Variants in CAMK1G observed in about 807,000 individuals in gnomAD.
CAMK1G encodes calcium/calmodulin dependent protein kinase IG.
A neutral mutation model predicts 54.8 loss-of-function variants in CAMK1G; 27 were observed. The ratio of observed to expected loss-of-function variants is 0.49; its 90% CI spans 0.36 to 0.68. The LOEUF is 0.68. Among genes scored for constraint, CAMK1G ranks in the 30% least tolerant of loss-of-function variants. The probability of loss-of-function intolerance (pLI) is 0.00; values close to 1 mark genes in which losing one functional copy is unlikely to be tolerated. For missense variants in CAMK1G, 512 were observed against 591.0 expected (o/e 0.87, Z 1.39); for synonymous variants, 238 against 224.9 (o/e 1.06, Z -0.52).
At chr1:209,599,943 G>A (rs772435590) in intron 2 of CAMK1G, 40 bp from the exon 3 acceptor site, 1 of 1,608,188 alleles carries the variant, frequency 6.2e-7, no homozygotes, top group Non-Finnish European at 8.5e-7. Flanking sequence ...TAAGATGTCT[G>A]CCCCCTACTA....
chr1:209,595,379 G>A (rs561953143), intron 2 of CAMK1G, among the ~76,000 whole-genome samples: 6 of 152,230 alleles, frequency 3.9e-5, no homozygotes, highest in African/African-American at 9.6e-5. Context: ...CCGAGATTGC[G>A]CTACTGTATT....
At chr1:209,607,975 G>A (rs375545188) in intron 7 of CAMK1G, 42 bp downstream of exon 7, 145 of 1,505,560 alleles carry the variant, frequency 9.6e-5, no homozygotes, top group Non-Finnish European at 1.1e-4. Context: ...GAGAAGTCTC[G>A]GAGCCTGCTT....
chr1:209,609,129 C>T, intron 8 of CAMK1G, 37 bp downstream of exon 8: 1 of 1,613,366 alleles, frequency 6.2e-7, no homozygotes. Flanking sequence ...ATAACAGGCT[C>T]AAGGTAGAGG....
intron 1 of CAMK1G, among the ~76,000 whole-genome samples, chr1:209,589,971 G>A (rs373751215): frequency 2.6e-5 from 4 of 152,106 alleles, no homozygotes; most frequent in Admixed American, 6.5e-5. Flanking sequence ...GGTGCCAGGC[G>A]CCTGAACCAG....
At chr1:209,592,147 G>C (rs1340928052) in intron 1 of CAMK1G, among the ~76,000 whole-genome samples, 1 of 151,924 alleles carries the variant, frequency 6.6e-6, no homozygotes. Context: ...AGGAGTTCGA[G>C]ACCAGCCTGG....
At chr1:209,586,201 C>A (rs1415371940) in intron 1 of CAMK1G, among the ~76,000 whole-genome samples, 1 of 152,170 alleles carries the variant, frequency 6.6e-6, no homozygotes, top group African/African-American at 2.4e-5. Flanking sequence ...AGCGTCCAAC[C>A]TGTACAAAAG....
At chr1:209,598,091 A>G (rs1051480328) in intron 2 of CAMK1G, among the ~76,000 whole-genome samples, 3 of 152,220 alleles carry the variant, frequency 2.0e-5, no homozygotes, top group Admixed American at 6.5e-5. Flanking sequence ...TCTAACGTGA[A>G]CAATCAGGCT....
chr1:209,607,432 C>T (rs893228899), intron 6 of CAMK1G, among the ~76,000 whole-genome samples: 11 of 152,146 alleles, frequency 7.2e-5, no homozygotes, highest in African/African-American at 2.7e-4. Context: ...TCTCTGCCTC[C>T]CAGAGGCTCC....
Position 209,600,066 on chromosome 1 carries a change from C to T in CAMK1G, c.176C>T (p.Ala59Val), listed in dbSNP as rs1428767509. 9 of 1,613,998 alleles carry T rather than the reference C, an allele frequency of 5.6e-6. No individual in the cohort carries two copies. The highest frequency in any genetic ancestry group is 6.8e-6 in the Non-Finnish European group (8 of 1,179,896). Residue 59 changes from alanine (A) to valine (V), a missense_variant, in exon 3 of 13, where the codon GCC (alanine) becomes GTC (valine). Physicochemically the swap from Ala to Val is moderately conservative, Grantham distance 64. Coordinates refer to ENST00000361322, the MANE Select transcript of CAMK1G (RefSeq NM_020439.3). ...FALKCIKKSP[A>V]FRDSSLENEI... ...CTGAAGTGCATCAAGAAGTCACCTG[C>T]CTTCCGGGACAGCAGCCTGGAGAAT...
At position 209,594,999 on chromosome 1, in the gene CAMK1G, G is replaced by A. The variant is rs1665343672; in HGVS notation, c.16G>A (p.Glu6Lys). Residue 6 changes from glutamate to lysine, a missense_variant, in exon 2 of 13, where the codon GAA becomes AAA. Glu to Lys is a moderately conservative substitution (Grantham distance 56, BLOSUM62 1). Coordinates refer to ENST00000361322, the MANE Select transcript of CAMK1G (RefSeq NM_020439.3). ...TCTGGAGGCAATGGGTCGAAAGGAA[G>A]AAGATGACTGCAGTTCCTGGAAGAA... Reference protein sequence around the residue: MGRKEEDDCSSWKKQT... With the variant: MGRKEKDDCSSWKKQT... 6.2e-7 allele frequency: 1 copy of A among 1,614,054 alleles called. No homozygotes were observed. The highest frequency in any genetic ancestry group is 8.5e-7 in the Non-Finnish European group (1 of 1,179,966).
chr1:209,611,922 G>A lies in CAMK1G; in HGVS notation c.1046G>A (p.Ser349Asn). The A allele has an allele frequency of 6.2e-7, 1 of 1,614,256 alleles. No individual in the cohort carries two copies. The highest frequency in any genetic ancestry group is 1.3e-5 in the African/African-American group (1 of 75,072). The change falls in exon 11 of 13, where the codon AGC becomes AAC. Residue 349 changes from serine to asparagine, a missense_variant. Ser to Asn is a conservative substitution (Grantham distance 46). Around this residue, in one of 3 missense-constraint regions of CAMK1G, gnomAD observed 315 missense variants for 330.5 expected, o/e 0.95. Transcript: ENST00000361322. Reference protein sequence around the residue: ...ETQASETSRPSSPEITITEAP... With the variant: ...ETQASETSRPNSPEITITEAP... The stretch of plus-strand genomic sequence containing the variant: ...CAAGCCTCAGAAACCTCTAGACCCA[G>A]CTCCCCTGAGATCACCATCACCGAG...
At chr1:209,612,313 A>C in intron 11 of CAMK1G, 97 bp downstream of exon 11, 1 of 1,295,532 alleles carries the variant, frequency 7.7e-7, no homozygotes, top group Non-Finnish European at 1.1e-6. Context: ...TCTCCCACTC[A>C]TAGGCAGCTA....
Position 209,612,115 on chromosome 1 carries a change from C to T in CAMK1G, c.1239C>T (p.Ala413=), listed in dbSNP as rs761325917. 1.2e-5 allele frequency: 20 copies of T among 1,613,986 alleles called. No individual in the cohort carries two copies. The highest frequency in any genetic ancestry group is 8.9e-5 in the East Asian group (4 of 44,896). Residue 413 remains alanine (A), a synonymous_variant, in exon 11 of 13, where the codon GCC becomes GCT. Coordinates refer to ENST00000361322, the MANE Select transcript of CAMK1G (RefSeq NM_020439.3). ...CCATGCATCAGGGGTCCCTGGCCGC[C>T]GGGCCCTGTGGCTGCTGCTCCAGCT... ...LVPMHQGSLA[A]GPCGCCSSCL... is the part of the protein sequence containing the mutation.
At chr1:209,599,439 TA>T (rs1418074739) in intron 2 of CAMK1G, among the ~76,000 whole-genome samples, 1 of 152,278 alleles carries the variant, frequency 6.6e-6, no homozygotes, top group African/African-American at 2.4e-5. Context: ...TTCTCATTGC[TA>T]TGTTCTCTGT....
intron 3 of CAMK1G, 127 bp downstream of exon 3, chr1:209,600,238 G>T: frequency 8.7e-7 from 1 of 1,154,862 alleles, no homozygotes; most frequent in East Asian, 2.5e-5. Flanking sequence ...TTGAGTTGAT[G>T]GGTCAGTTCA....
At chr1:209,591,276 G>A (rs575551613) in intron 1 of CAMK1G, among the ~76,000 whole-genome samples, 55 of 152,302 alleles carry the variant, frequency 3.6e-4, no homozygotes, top group South Asian at 3.5e-3. Context: ...GAGCAGATCA[G>A]CAAATGGGCC....
At chr1:209,585,612 G>T (rs1665076285) in intron 1 of CAMK1G, among the ~76,000 whole-genome samples, 1 of 152,224 alleles carries the variant, frequency 6.6e-6, no homozygotes, top group South Asian at 2.1e-4. Context: ...TGCATGCAAA[G>T]TGCCTAGCGC....
intron 2 of CAMK1G, among the ~76,000 whole-genome samples, chr1:209,598,675 A>G (rs750479468): frequency 6.6e-6 from 1 of 152,250 alleles, no homozygotes; most frequent in Non-Finnish European, 1.5e-5. Context: ...TGCCATCAAC[A>G]TAACTCAGCA....
chr1:209,611,623 A>G, intron 10 of CAMK1G, 71 bp downstream of exon 10: 19 of 1,509,924 alleles, frequency 1.3e-5, no homozygotes, highest in Non-Finnish European at 1.7e-5. Context: ...AGGGGCTGAC[A>G]TAAGGGCTTT....
Sources: gnomAD v4.1 joint callset for allele counts (sites outside exome capture counted in the v4.1 genomes callset) on GRCh38, gnomAD v4.1.1 for gene constraint, gnomAD v4.1.1 regional missense constraint, MANE v1.5 for transcripts, NCBI Gene and HGNC (gene_info 2026-07-23, HGNC 2026-07-21) for gene names.